Variants in DET1 observed in about 807,000 individuals in gnomAD.
The protein encoded by DET1 is DET1 partner of COP1 E3 ubiquitin ligase, also known as DET1 homolog.
Under a neutral mutation model 43.7 loss-of-function variants are expected in DET1, and 22 were observed. That is an observed-to-expected ratio of 0.50 (90% confidence interval 0.36 to 0.72). DET1 has a LOEUF of 0.72. Among genes scored for constraint, DET1 ranks in the 30% least tolerant of loss-of-function variants. The probability of loss-of-function intolerance (pLI) is 0.00; values close to 1 mark genes in which losing one functional copy is unlikely to be tolerated. For synonymous variants in DET1, 315 were observed against 266.2 expected (o/e 1.18, Z -1.79); for missense variants, 713 against 713.3 (o/e 1.00, Z 0.00).
At chr15:88,527,007 C>A (rs2056680464) in intron 3 of DET1, among the ~76,000 whole-genome samples, 1 of 152,192 alleles carries the variant, frequency 6.6e-6, no homozygotes, top group South Asian at 2.1e-4. Context: ...TTCTTGATGA[C>A]TTAGCTCTGC....
chr15:88,508,248 T>C (rs1030825519), downstream of DET1, among the ~76,000 whole-genome samples: 2 of 152,218 alleles, frequency 1.3e-5, no homozygotes, highest in African/African-American at 4.8e-5. Flanking sequence ...TGTAATGCAC[T>C]TGAATCAGCC....
chr15:88,521,402 T>C (rs1315164124), intron 3 of DET1, among the ~76,000 whole-genome samples: 2 of 152,208 alleles, frequency 1.3e-5, no homozygotes, highest in African/African-American at 2.4e-5. Flanking sequence ...TGTTTTTTCC[T>C]TGGACACACT....
At chr15:88,537,165 C>T (rs545464267) in intron 1 of DET1, among the ~76,000 whole-genome samples, 15 of 152,206 alleles carry the variant, frequency 9.9e-5, no homozygotes, top group African/African-American at 2.7e-4. Context: ...AATAGTATTA[C>T]GGACATTTTA....
downstream of DET1, chr15:88,511,695 G>T: frequency 1.3e-6 from 1 of 745,642 alleles, no homozygotes; most frequent in Non-Finnish European, 1.6e-6. Context: ...CATAGCAGGT[G>T]CTCAAATCCT....
chr15:88,522,816 G>C (rs1272697059), intron 3 of DET1, among the ~76,000 whole-genome samples: 2 of 150,772 alleles, frequency 1.3e-5, no homozygotes, highest in African/African-American at 2.4e-5. Flanking sequence ...CCGCGCACCC[G>C]GCTGGAATGT....
chr15:88,523,494 A>C (rs890835430), intron 3 of DET1, among the ~76,000 whole-genome samples: 4 of 151,930 alleles, frequency 2.6e-5, no homozygotes, highest in Non-Finnish European at 4.4e-5. Context: ...TGCCAAGCCG[A>C]GGCTGAACTG....
At chr15:88,533,364 G>C (rs1190340772) in intron 1 of DET1, among the ~76,000 whole-genome samples, 1 of 152,092 alleles carries the variant, frequency 6.6e-6, no homozygotes, top group African/African-American at 2.4e-5. Context: ...AGCTACTAAG[G>C]AAAACAGTAT....
chr15:88,538,323 G>A (rs1208295728), intron 1 of DET1, among the ~76,000 whole-genome samples: 1 of 150,846 alleles, frequency 6.6e-6, no homozygotes. Flanking sequence ...TATATCCACA[G>A]TCCCCAAGAA....
In DET1 at chr15:88,527,184, G is replaced by A. The variant is rs570021386; in HGVS notation, c.1271+415C>T. The stretch of plus-strand genomic sequence containing the variant: ...TCTATACTTTGTTTATACCTCTAAT[G>A]TTTATACCTCTTATTCCTTTATTGT... On this transcript the variant is annotated intron_variant, in intron 3 of 4. Coordinates refer to ENST00000268148, the MANE Select transcript of DET1 (RefSeq NM_001144074.3). Among the ~76,000 whole-genome samples, 8 of 152,238 alleles carry A rather than the reference G, an allele frequency of 5.3e-5. No individual in the cohort carries two copies. In the South Asian group the frequency reaches 1.7e-3, roughly 32 times the overall value.
At chr15:88,534,761 C>T (rs574377060) in intron 1 of DET1, among the ~76,000 whole-genome samples, 2 of 152,204 alleles carry the variant, frequency 1.3e-5, no homozygotes, top group South Asian at 4.1e-4. Flanking sequence ...GCCATTAGAA[C>T]CATAGCCTAA....
At chr15:88,534,176 C>T (rs1292614453) in intron 1 of DET1, among the ~76,000 whole-genome samples, 1 of 152,114 alleles carries the variant, frequency 6.6e-6, no homozygotes, top group Non-Finnish European at 1.5e-5. Context: ...GCAAAGTCTT[C>T]TAATTGTTTT....
At chr15:88,539,448 T>TA (rs34945813) in intron 1 of DET1, among the ~76,000 whole-genome samples, 7,828 of 96,314 alleles carry the variant, frequency 0.081, 292 homozygotes, top group Admixed American at 0.1. Context: ...CTTGTCTGTC[T>TA]AAAAAAAAAA....
At chr15:88,527,045 T>G (rs1004657677) in intron 3 of DET1, among the ~76,000 whole-genome samples, 5 of 152,254 alleles carry the variant, frequency 3.3e-5, no homozygotes, top group Admixed American at 1.3e-4. Flanking sequence ...CTCTGAGGTA[T>G]GCTAAGTCAG....
intron 1 of DET1, among the ~76,000 whole-genome samples, chr15:88,532,204 G>A (rs537656184): frequency 1.3e-5 from 2 of 152,296 alleles, no homozygotes; most frequent in African/African-American, 4.8e-5. Context: ...TTGAGAGGCT[G>A]AAGTGGAAGG....
intron 4 of DET1, 117 bp from the exon 5 acceptor site, chr15:88,513,257 A>C: frequency 9.3e-7 from 1 of 1,079,788 alleles, no homozygotes; most frequent in South Asian, 1.7e-5. Context: ...TATTAATGAA[A>C]TCGCCTCTTA....
chr15:88,502,646 T>G (rs2056100154), intron 8 of DET1: 1 of 152,204 alleles, frequency 6.6e-6, no homozygotes, highest in Non-Finnish European at 1.5e-5. Context: ...GAGGTGAAAC[T>G]TCAGCATCAA....
At chr15:88,517,017 C>G (rs758108209) in intron 3 of DET1, 44 bp from the exon 4 acceptor site, 3 of 1,417,076 alleles carry the variant, frequency 2.1e-6, no homozygotes, top group African/African-American at 1.5e-5. Flanking sequence ...AGTGAGTACA[C>G]AAAGCTGTCT....
At chr15:88,534,512 G>A (rs2056897971) in intron 1 of DET1, among the ~76,000 whole-genome samples, 1 of 152,190 alleles carries the variant, frequency 6.6e-6, no homozygotes, top group Non-Finnish European at 1.5e-5. Flanking sequence ...GGATCAAAAG[G>A]GAGACCCCAG....
Position 88,530,676 on chromosome 15 carries a change from T to C in DET1, c.1030A>G (p.Ile344Val). The change falls in exon 2 of 5, where the codon ATC becomes GTC. Residue 344 changes from isoleucine (I) to valine (V), a missense_variant. Physicochemically the swap from Ile to Val is conservative, Grantham distance 29. Transcript: ENST00000268148. ...MQLLDENHLFIKYTSEDVVTL... is the reference protein window; with the variant it reads ...MQLLDENHLFVKYTSEDVVTL... Reference sequence around the variant, plus strand: ...ACTACATCCTCACTAGTGTACTTGATAAACAGGTGGTTTTCATCCAGAAGC... The same window carrying C: ...ACTACATCCTCACTAGTGTACTTGACAAACAGGTGGTTTTCATCCAGAAGC... 6 of 1,613,888 alleles carry C rather than the reference T, an allele frequency of 3.7e-6. No individual in the cohort carries two copies. Among genetic ancestry groups the C allele is most frequent in the Non-Finnish European group, 5.1e-6 (6 of 1,179,816 alleles).
Sources: allele counts gnomAD v4.1 joint callset (sites outside exome capture counted in the v4.1 genomes callset), GRCh38; gene constraint gnomAD v4.1.1; transcripts MANE v1.5; gene names NCBI Gene and HGNC (gene_info 2026-07-23, HGNC 2026-07-21).